Variants in MPPED2 observed in about 807,000 individuals in gnomAD.
MPPED2 encodes the protein metallophosphoesterase MPPED2.
A neutral mutation model predicts 33.0 loss-of-function variants in MPPED2; 5 were observed. The ratio of observed to expected loss-of-function variants is 0.15; its 90% CI spans 0.08 to 0.32. MPPED2 has a LOEUF of 0.32. MPPED2 is among the 10% of genes least tolerant of loss of function. The pLI, the probability that MPPED2 is intolerant of heterozygous loss-of-function variation, is 1.00. For synonymous variants in MPPED2, 136 were observed against 141.9 expected (o/e 0.96, Z 0.29); for missense variants, 275 against 372.1 (o/e 0.74, Z 2.15).
chr11:30,480,756 A>G (rs980813283), intron 4 of MPPED2, among the ~76,000 whole-genome samples: 2 of 152,174 alleles, frequency 1.3e-5, no homozygotes, highest in African/African-American at 4.8e-5. Context: ...GAGTGTCGCT[A>G]TCACTAGAAA....
chr11:30,491,729 G>A (rs910257193), intron 4 of MPPED2, among the ~76,000 whole-genome samples: 4 of 152,194 alleles, frequency 2.6e-5, no homozygotes, highest in African/African-American at 9.7e-5. Flanking sequence ...GCACAGAAAT[G>A]CTAATGCAGA....
At chr11:30,550,277 G>T (rs116640651) in intron 2 of MPPED2, among the ~76,000 whole-genome samples, 221 of 152,284 alleles carry the variant, frequency 1.5e-3, no homozygotes, top group African/African-American at 5.0e-3. Context: ...AGAAATCATT[G>T]TGTCTTTCCC....
intron 1 of MPPED2, chr11:30,585,105 C>T (rs1332590823): frequency 2.0e-5 from 3 of 152,240 alleles, no homozygotes; most frequent in Non-Finnish European, 2.9e-5. Flanking sequence ...AAAATGCCCC[C>T]TTCACCTCCT....
rs1376707246 is a variant in MPPED2, at chr11:30,410,359, AC to A, written c.*1108del. ...AATAGAATAAAGCTCAACAGCATTT[AC>A]AATGGGAAAACAGAAATGACTATTA... On this transcript the variant is annotated 3_prime_UTR_variant, in exon 7 of 7. Coordinates refer to ENST00000358117, the MANE Select transcript of MPPED2 (RefSeq NM_001584.3). 1 of 985,728 alleles carries A rather than the reference AC, an allele frequency of 1.0e-6. No homozygotes were observed. The highest frequency in any genetic ancestry group is 1.7e-5 in the African/African-American group (1 of 57,246). 61.1% of individuals were successfully genotyped at this position (985,728 alleles called of 1,614,324 possible). A position where few individuals can be genotyped will look rare whatever the true frequency, so the allele number is the denominator to read the frequency against.
intron 4 of MPPED2, among the ~76,000 whole-genome samples, chr11:30,493,520 G>T (rs1172248100): frequency 2.0e-5 from 3 of 151,742 alleles, no homozygotes; most frequent in Non-Finnish European, 4.4e-5. Flanking sequence ...GTACTTTTCT[G>T]TATTAAGTGA....
intron 3 of MPPED2, among the ~76,000 whole-genome samples, chr11:30,527,363 G>T (rs184239134): frequency 7.1e-6 from 1 of 141,778 alleles, no homozygotes; most frequent in Non-Finnish European, 1.6e-5. Context: ...ATGTGAAAGA[G>T]TTGTTTTTTT....
intron 3 of MPPED2, among the ~76,000 whole-genome samples, chr11:30,519,999 A>C (rs2134366641): frequency 6.6e-6 from 1 of 152,310 alleles, no homozygotes. Context: ...TATATTTTAT[A>C]GTTAGATGTC....
At chr11:30,395,792 G>A (rs1200142404) in intron 6 of MPPED2, among the ~76,000 whole-genome samples, 1 of 152,068 alleles carries the variant, frequency 6.6e-6, no homozygotes, top group East Asian at 1.9e-4. Context: ...TTACCTGCTT[G>A]TCTTTCCTGG....
chr11:30,452,023 C>T (rs1472620106), intron 4 of MPPED2: 1 of 985,342 alleles, frequency 1.0e-6, no homozygotes, highest in African/African-American at 1.7e-5. Context: ...TGCCTCTTCT[C>T]ATTTTGCCCT....
chr11:30,493,179 C>T (rs1369021197), intron 4 of MPPED2, among the ~76,000 whole-genome samples: 1 of 151,954 alleles, frequency 6.6e-6, no homozygotes. Flanking sequence ...GTCAGGAGAT[C>T]GAGACCACGG....
At chr11:30,535,085 A>T (rs1348017098) in intron 3 of MPPED2, among the ~76,000 whole-genome samples, 1 of 152,196 alleles carries the variant, frequency 6.6e-6, no homozygotes, top group Non-Finnish European at 1.5e-5. Context: ...TATTGCTTAC[A>T]ATTCTAAAAT....
Position 30,440,600 on chromosome 11 carries a change from A to G in MPPED2, c.537-22967T>C, listed in dbSNP as rs117557254. Among the ~76,000 whole-genome samples, 328 of 152,332 alleles carry G rather than the reference A, an allele frequency of 2.2e-3. 1 individual carries two copies. Among genetic ancestry groups the G allele is most frequent in the South Asian group, 0.014 (70 of 4,830 alleles). On this transcript the variant is annotated intron_variant, in intron 4 of 6. Coordinates refer to ENST00000358117, the MANE Select transcript of MPPED2 (RefSeq NM_001584.3). ...CATTTTACAGAGAAAAGAGAAGCTC[A>G]ATGAGGTTAACCTCTTTACTCAAGG...
At chr11:30,456,470 G>A (rs1023348177) in intron 4 of MPPED2, among the ~76,000 whole-genome samples, 5 of 152,210 alleles carry the variant, frequency 3.3e-5, no homozygotes, top group African/African-American at 7.2e-5. Flanking sequence ...TCACTTGGGC[G>A]GTAAAGCAGA....
intron 2 of MPPED2, among the ~76,000 whole-genome samples, chr11:30,554,836 C>T (rs1955891224): frequency 6.6e-6 from 1 of 152,154 alleles, no homozygotes; most frequent in African/African-American, 2.4e-5. Flanking sequence ...CCACGTGTGT[C>T]TGTCCTTAGG....
chr11:30,568,547 G>A (rs1203825032), intron 2 of MPPED2, among the ~76,000 whole-genome samples: 1 of 152,064 alleles, frequency 6.6e-6, no homozygotes, highest in African/African-American at 2.4e-5. Flanking sequence ...CTAATGACTA[G>A]ACAGCTCATT....
At chr11:30,544,894 C>T (rs916754729) in intron 2 of MPPED2, among the ~76,000 whole-genome samples, 1 of 152,070 alleles carries the variant, frequency 6.6e-6, no homozygotes, top group Non-Finnish European at 1.5e-5. Context: ...TGAGAGTGGC[C>T]GGAAGCTGGG....
intron 3 of MPPED2, among the ~76,000 whole-genome samples, chr11:30,507,344 T>A (rs144403128): frequency 3.1e-4 from 47 of 152,332 alleles, no homozygotes; most frequent in African/African-American, 1.0e-3. Context: ...CCCCACTCAC[T>A]GTATAATCTA....
intron 2 of MPPED2, among the ~76,000 whole-genome samples, chr11:30,564,986 A>T (rs966503210): frequency 6.6e-6 from 1 of 152,154 alleles, no homozygotes; most frequent in Non-Finnish European, 1.5e-5. Context: ...TGTAAGAGTG[A>T]GTTATATATG....
At chr11:30,513,072 G>A (rs765026771) in intron 3 of MPPED2, among the ~76,000 whole-genome samples, 2 of 151,608 alleles carry the variant, frequency 1.3e-5, no homozygotes, top group Non-Finnish European at 2.9e-5. Context: ...TGTTCTCTAG[G>A]TCTGAGTGGG....
Sources: allele counts gnomAD v4.1 joint callset (sites outside exome capture counted in the v4.1 genomes callset), GRCh38; gene constraint gnomAD v4.1.1; transcripts MANE v1.5; gene names NCBI Gene and HGNC (gene_info 2026-07-23, HGNC 2026-07-21).